The following COMMD10 variants were observed in gnomAD, a reference collection of about 807,000 sequenced individuals.
The protein encoded by COMMD10 is COMM domain-containing protein 10.
In COMMD10, 33 loss-of-function variants were observed where a neutral mutation model predicts 28.9. That is an observed-to-expected ratio of 1.14 (90% CI 0.87 to 1.53). The LOEUF is 1.53. COMMD10 is among the 40% of genes most tolerant of loss of function. COMMD10 has a pLI of 0.00. For synonymous variants in COMMD10, 110 were observed against 81.7 expected (o/e 1.35, Z -1.87); for missense variants, 310 against 233.4 (o/e 1.33, Z -2.14).
intron 1 of COMMD10, among the ~76,000 whole-genome samples, chr5:116,087,262 A>G (rs1018423098): frequency 3.3e-5 from 5 of 152,212 alleles, no homozygotes; most frequent in African/African-American, 1.2e-4. Flanking sequence ...GGTTTGCCCA[A>G]AAGAAAGAGA....
intron 5 of COMMD10, among the ~76,000 whole-genome samples, chr5:116,139,763 T>C (rs1752136847): frequency 6.6e-6 from 1 of 151,688 alleles, no homozygotes; most frequent in Non-Finnish European, 1.5e-5. Context: ...GTTGAGTGGA[T>C]TTTAAATTGT....
intron 5 of COMMD10, among the ~76,000 whole-genome samples, chr5:116,243,113 A>C (rs17139265): frequency 0.078 from 11,845 of 152,294 alleles, 515 homozygotes; most frequent in Admixed American, 0.13. Flanking sequence ...CTCATGGAAC[A>C]AATAGACAAC....
intron 5 of COMMD10, among the ~76,000 whole-genome samples, chr5:116,262,292 T>A (rs1029153967): frequency 1.3e-5 from 2 of 151,774 alleles, no homozygotes; most frequent in East Asian, 3.9e-4. Context: ...GTTAAAAATA[T>A]AGTTTTCAAC....
intron 5 of COMMD10, among the ~76,000 whole-genome samples, chr5:116,224,338 G>A (rs751052759): frequency 6.6e-6 from 1 of 152,146 alleles, no homozygotes; most frequent in African/African-American, 2.4e-5. Flanking sequence ...ACAGTTCCCA[G>A]CCATTGCCTA....
chr5:116,115,961 T>C (rs920637597), intron 4 of COMMD10, among the ~76,000 whole-genome samples: 9 of 152,180 alleles, frequency 5.9e-5, no homozygotes, highest in African/African-American at 2.2e-4. Context: ...AAAATATAAA[T>C]TCAACAGTTC....
chr5:116,202,894 A>T (rs1048802221), intron 5 of COMMD10, among the ~76,000 whole-genome samples: 2 of 151,954 alleles, frequency 1.3e-5, no homozygotes, highest in Non-Finnish European at 2.9e-5. Context: ...GGTTTAATTA[A>T]ATCCCATTTG....
At chr5:116,158,862 TCCC>T (rs58244066) in intron 5 of COMMD10, among the ~76,000 whole-genome samples, 1 of 151,150 alleles carries the variant, frequency 6.6e-6, no homozygotes. Context: ...TTTTTTTTTT[TCCC>T]CCCCTGAGGT....
At chr5:116,224,773 A>G (rs1749350510) in intron 5 of COMMD10, among the ~76,000 whole-genome samples, 1 of 152,160 alleles carries the variant, frequency 6.6e-6, no homozygotes, top group South Asian at 2.1e-4. Context: ...CACCCGGGAT[A>G]TTGTTGATGA....
At chr5:116,203,390 C>T (rs1044574407) in intron 5 of COMMD10, among the ~76,000 whole-genome samples, 16 of 151,940 alleles carry the variant, frequency 1.1e-4, no homozygotes, top group African/African-American at 3.6e-4. Context: ...ATACAGAGAA[C>T]GCCACAAAGA....
At chr5:116,138,954 T>G (rs963916175) in intron 5 of COMMD10, among the ~76,000 whole-genome samples, 2 of 151,740 alleles carry the variant, frequency 1.3e-5, no homozygotes, top group African/African-American at 4.8e-5. Flanking sequence ...CTTATTTTAT[T>G]GATAAATGGA....
chr5:116,206,507 C>T (rs904367989), intron 5 of COMMD10, among the ~76,000 whole-genome samples: 7 of 152,042 alleles, frequency 4.6e-5, no homozygotes, highest in Non-Finnish European at 1.0e-4. Flanking sequence ...AAAAAATTAA[C>T]TGGGTGTGGT....
chr5:116,090,049 G>A lies in COMMD10; in HGVS notation c.133-1030G>A, dbSNP rs1185686364. 2.0e-5 allele frequency among the ~76,000 whole-genome samples: 3 copies of A among 152,122 alleles called. No homozygotes were observed. In the East Asian group the frequency reaches 5.8e-4, roughly 29 times the overall value. On this transcript the variant is annotated intron_variant, in intron 2 of 6. Coordinates refer to ENST00000274458, the MANE Select transcript of COMMD10 (RefSeq NM_016144.4). ...TTAGGGATTTTGTTGCCCCTCTACT[G>A]GTACTTTTATTTTATTAAGTTTGAC...
chr5:116,176,919 A>G (rs527914313), intron 5 of COMMD10, among the ~76,000 whole-genome samples: 2 of 152,178 alleles, frequency 1.3e-5, no homozygotes, highest in Middle Eastern at 3.2e-3. Context: ...AGAGTATTTA[A>G]GGAAAAGAAC....
At chr5:116,237,226 G>A (rs1050395487) in intron 5 of COMMD10, among the ~76,000 whole-genome samples, 1 of 152,090 alleles carries the variant, frequency 6.6e-6, no homozygotes, top group Non-Finnish European at 1.5e-5. Flanking sequence ...GAGGGAGAGA[G>A]AATGGTGGGA....
At chr5:116,102,745 C>T (rs1400420178) in intron 4 of COMMD10, among the ~76,000 whole-genome samples, 1 of 151,980 alleles carries the variant, frequency 6.6e-6, no homozygotes, top group Non-Finnish European at 1.5e-5. Context: ...TATACACGTG[C>T]CATAGTGGTT....
intron 5 of COMMD10, among the ~76,000 whole-genome samples, chr5:116,236,698 G>T (rs12523347): frequency 0.1 from 15,852 of 151,854 alleles, 922 homozygotes; most frequent in African/African-American, 0.15. Flanking sequence ...GAGATGAGTA[G>T]ATGGAACACA....
At chr5:116,184,898 C>G (rs1580530357) in intron 5 of COMMD10, among the ~76,000 whole-genome samples, 1 of 152,218 alleles carries the variant, frequency 6.6e-6, no homozygotes, top group East Asian at 1.9e-4. Flanking sequence ...ATCCTGACCC[C>G]TTCACTTATT....
chr5:116,132,443 T>G (rs1310186165), intron 4 of COMMD10, among the ~76,000 whole-genome samples: 5 of 152,168 alleles, frequency 3.3e-5, no homozygotes, highest in Non-Finnish European at 5.9e-5. Flanking sequence ...CTTTTTAATT[T>G]GTCTGCATCA....
At chr5:116,200,167 A>C (rs1006767327) in intron 5 of COMMD10, among the ~76,000 whole-genome samples, 7 of 152,114 alleles carry the variant, frequency 4.6e-5, no homozygotes, top group Non-Finnish European at 7.3e-5. Flanking sequence ...TTAAATTATT[A>C]TTAACTGTGG....
Sources: allele counts gnomAD v4.1 joint callset (sites outside exome capture counted in the v4.1 genomes callset), GRCh38; gene constraint gnomAD v4.1.1; transcripts MANE v1.5; gene names NCBI Gene and HGNC (gene_info 2026-07-23, HGNC 2026-07-21).